NBPF14: variants seen among roughly 807,000 people sequenced by gnomAD.
NBPF14 encodes the protein NBPF family member NBPF14.
A neutral mutation model predicts 91.2 loss-of-function variants in NBPF14; 104 were observed. That is an observed-to-expected ratio of 1.14 (90% CI 0.97 to 1.34). The LOEUF is 1.34. Among genes scored for constraint, NBPF14 ranks in the 40% most tolerant of loss-of-function variants. NBPF14 has a pLI of 0.00. For missense variants in NBPF14, 908 were observed against 783.0 expected (o/e 1.16, Z -1.91); for synonymous variants, 294 against 303.8 (o/e 0.97, Z 0.34).
chr1:148,574,007 T>C, intron 19 of NBPF14, 46 bp downstream of exon 19: 5 of 94,612 alleles, frequency 5.3e-5, no homozygotes, highest in Non-Finnish European at 7.2e-5. Context: ...GATCTTTATA[T>C]GGAGGACTCA....
intron 69 of NBPF14, among the ~76,000 whole-genome samples, chr1:148,534,457 G>A (rs1186871225): frequency 3.3e-5 from 5 of 151,652 alleles, no homozygotes; most frequent in Admixed American, 6.6e-5. Context: ...ATAGGATCAG[G>A]GCGCCACAGG....
exon 69 of NBPF14, chr1:148,534,819 C>T (rs1266718490): frequency 8.0e-6 from 9 of 1,129,658 alleles, no homozygotes; most frequent in Admixed American, 6.9e-5. Context: ...TCCTGCAAGA[C>T]TTCAGGATCT....
chr1:148,592,896 G>A lies in NBPF14; in HGVS notation c.279-130C>T, dbSNP rs1662725123. 10 of 687,038 alleles carry A rather than the reference G, an allele frequency of 1.5e-5. 1 individual carries two copies. The Admixed American group carries it at 1.9e-4, about 13-fold the overall frequency. 42.6% of individuals were successfully genotyped at this position (687,038 alleles called of 1,614,324 possible). On this transcript the variant is annotated intron_variant, in intron 3 of 70. Transcript: ENST00000619423. Reference sequence around the variant, plus strand: ...AGCAGAAGGTCAGCACATGTTGAAAGGAATGACTGTGGCCAAGAGAAAGAA... The same window carrying A: ...AGCAGAAGGTCAGCACATGTTGAAAAGAATGACTGTGGCCAAGAGAAAGAA...
At position 148,587,269 on chromosome 1, in the gene NBPF14, C is replaced by G. The variant is rs1276857189; in HGVS notation, c.1091+32G>C. The G allele has an allele frequency of 4.0e-6, 6 of 1,515,938 alleles. 1 individual carries two copies. In the Admixed American group the frequency reaches 6.7e-5, roughly 17 times the overall value. The allele number at this position is 1,515,938 out of a possible 1,614,324, so 93.9% of individuals were successfully genotyped here. Reference sequence around the variant, plus strand: ...TGTACTTCAGAGATTTACACACCTGCCCCCCTGCCTGCCCCCATGGGGTCC... The same window carrying G: ...TGTACTTCAGAGATTTACACACCTGGCCCCCTGCCTGCCCCCATGGGGTCC... On this transcript the variant is annotated intron_variant, in intron 8 of 70. Transcript: ENST00000619423.
At chr1:148,560,287 C>T (rs1370413094) in intron 36 of NBPF14, among the ~76,000 whole-genome samples, 1,651 of 139,080 alleles carry the variant, frequency 0.012, 2 homozygotes, top group African/African-American at 0.05. Context: ...ACACAGCAAA[C>T]TGTGATCATG....
At chr1:148,590,365 T>C (rs1193994160) in intron 6 of NBPF14, among the ~76,000 whole-genome samples, 14 of 143,526 alleles carry the variant, frequency 9.8e-5, no homozygotes, top group African/African-American at 3.5e-4. Context: ...CCGAGACTTA[T>C]TAATAGCTAA....
chr1:148,595,355 A>G (rs2149591750), intron 2 of NBPF14, among the ~76,000 whole-genome samples, 188 bp downstream of exon 2: 1 of 148,534 alleles, frequency 6.7e-6, no homozygotes, highest in East Asian at 1.9e-4. Context: ...GATTGCAAAC[A>G]TGGAAAGTTG....
Position 148,559,896 on chromosome 1 carries a change from T to C in NBPF14, c.4626A>G (p.Ser1542=), listed in dbSNP as rs1251136374. The change falls in exon 37 of 71, where the codon TCA becomes TCG. Residue 1542 remains serine, a synonymous_variant. Transcript: ENST00000619423. Reference sequence around the variant, plus strand: ...TCAGTTCAAGACAACCTGAAGGAGTTGAATAACATCTATCCAGTGAGTCCT... The same window carrying C: ...TCAGTTCAAGACAACCTGAAGGAGTCGAATAACATCTATCCAGTGAGTCCT... 7.6e-5 allele frequency: 97 copies of C among 1,280,728 alleles called. 5 individuals are homozygous for C. The highest frequency in any genetic ancestry group is 1.0e-4 in the Non-Finnish European group (92 of 915,274). The allele number at this position is 1,280,728 out of a possible 1,614,324, so 79.3% of individuals were successfully genotyped here. A position where few individuals can be genotyped will look rare whatever the true frequency, so the allele number is the denominator to read the frequency against.
At chr1:148,534,519 A>C (rs1200133156) in intron 69 of NBPF14, among the ~76,000 whole-genome samples, 165 bp downstream of exon 69, 1 of 151,776 alleles carries the variant, frequency 6.6e-6, no homozygotes, top group African/African-American at 2.4e-5. Context: ...TTTCATGTCT[A>C]GGCTTCCAGC....
chr1:148,590,965 C>G, exon 6 of NBPF14: 1 of 672,930 alleles, frequency 1.5e-6, no homozygotes, highest in South Asian at 1.6e-5. Flanking sequence ...CCTTCTGCAC[C>G]TCCCTGATGA....
intron 69 of NBPF14, among the ~76,000 whole-genome samples, chr1:148,534,470 T>C (rs1468617772): frequency 6.6e-6 from 1 of 151,752 alleles, no homozygotes; most frequent in African/African-American, 2.4e-5. Flanking sequence ...GCCACAGGTA[T>C]GGCCTGAGAC....
chr1:148,559,186 G>A, intron 37 of NBPF14, 114 bp from the exon 38 acceptor site: 5 of 508,052 alleles, frequency 9.8e-6, no homozygotes, highest in South Asian at 8.8e-5. Context: ...ATGAGAATAG[G>A]ACACTGTGAG....
intron 24 of NBPF14, 84 bp from the exon 25 acceptor site, chr1:148,569,511 G>T: frequency 4.3e-6 from 1 of 234,768 alleles, no homozygotes; most frequent in Non-Finnish European, 7.4e-6. Context: ...GCTAACGTAA[G>T]GAAGAGTTTG....
intron 6 of NBPF14, among the ~76,000 whole-genome samples, chr1:148,590,375 A>C (rs1662286685): frequency 7.0e-6 from 1 of 142,412 alleles, no homozygotes; most frequent in African/African-American, 2.5e-5. Context: ...TTAATAGCTA[A>C]GACAAGCCAA....
chr1:148,560,049 G>T (rs1311480731), intron 36 of NBPF14, 84 bp from the exon 37 acceptor site: 14 of 686,562 alleles, frequency 2.0e-5, no homozygotes, highest in Non-Finnish European at 2.6e-5. Context: ...GCTAACGTAA[G>T]GAAGAGTTTG....
At chr1:148,580,895 A>T (rs2149550439) in intron 12 of NBPF14, among the ~76,000 whole-genome samples, 1 of 107,724 alleles carries the variant, frequency 9.3e-6, no homozygotes, top group Non-Finnish European at 1.9e-5. Flanking sequence ...CTTAGGGTAC[A>T]TGTGCACAAC....
chr1:148,533,398 T>C lies in NBPF14; in HGVS notation c.8724-150A>G, dbSNP rs376509994. On this transcript the variant is annotated intron_variant, in intron 70 of 70. Coordinates refer to ENST00000619423, the Ensembl canonical transcript of NBPF14. ...GTAAAAAAAAAATTTATTGCCTTTA[T>C]GTTGGGATAGAACAGGGCCAGGTAG... 7.1e-3 allele frequency: 3,979 copies of C among 557,216 alleles called. 14 individuals are homozygous for C. Among genetic ancestry groups the C allele is most frequent in the Non-Finnish European group, 9.7e-3 (3,045 of 314,142 alleles). The allele number at this position is 557,216 out of a possible 1,614,324, so 34.5% of individuals were successfully genotyped here. A position where few individuals can be genotyped will look rare whatever the true frequency, so the allele number is the denominator to read the frequency against.
chr1:148,593,746 C>G, intron 2 of NBPF14, 46 bp from the exon 3 acceptor site: 1 of 1,218,626 alleles, frequency 8.2e-7, no homozygotes, highest in East Asian at 2.3e-5. Flanking sequence ...GCTGGACATG[C>G]TGCTGTGGTC....
In NBPF14 at chr1:148,576,105, G is replaced by A. The variant is rs1478684612; in HGVS notation, c.2079-294C>T. Among the ~76,000 whole-genome samples, 10 of 134,734 alleles carry A rather than the reference G, an allele frequency of 7.4e-5. No individual in the cohort carries two copies. In the South Asian group the frequency reaches 2.5e-3, roughly 33 times the overall value. 88.4% of individuals were successfully genotyped at this position (134,734 alleles called of 152,430 possible). ...AGGACACTCTGAGTTAGTGCCCTCGGGACACACAGCGAACAGTGATCATGA... is the reference window on the plus strand; with the variant it reads ...AGGACACTCTGAGTTAGTGCCCTCGAGACACACAGCGAACAGTGATCATGA... On this transcript the variant is annotated intron_variant, in intron 16 of 70. Transcript: ENST00000619423.
Sources: allele counts gnomAD v4.1 joint callset (sites outside exome capture counted in the v4.1 genomes callset), GRCh38; gene constraint gnomAD v4.1.1; transcripts MANE v1.5; gene names NCBI Gene and HGNC (gene_info 2026-07-23, HGNC 2026-07-21).